Variants in SENP2 observed in about 807,000 individuals in gnomAD.
The protein encoded by SENP2 is SUMO specific peptidase 2, also known as sentrin-specific protease 2.
A neutral mutation model predicts 86.3 loss-of-function variants in SENP2; 16 were observed. The ratio of observed to expected loss-of-function variants is 0.19; its 90% confidence interval spans 0.13 to 0.28. The LOEUF (loss-of-function observed/expected upper bound fraction) is 0.28. SENP2 is among the 10% of genes least tolerant of loss of function. The pLI is 1.00. For missense variants in SENP2, 552 were observed against 703.0 expected (o/e 0.79, Z 2.43); for synonymous variants, 222 against 238.7 (o/e 0.93, Z 0.64).
At chr3:185,625,208 T>C (rs961707347) in intron 15 of SENP2, among the ~76,000 whole-genome samples, 1 of 150,534 alleles carries the variant, frequency 6.6e-6, no homozygotes, top group Non-Finnish European at 1.5e-5. Context: ...GCCTCCCGGG[T>C]TCATACCATT....
At chr3:185,596,801 C>T (rs1722190227) in intron 2 of SENP2, among the ~76,000 whole-genome samples, 1 of 151,852 alleles carries the variant, frequency 6.6e-6, no homozygotes, top group Non-Finnish European at 1.5e-5. Flanking sequence ...GCTATATGCT[C>T]CTTGTTGTTT....
At position 185,612,652 on chromosome 3, in the gene SENP2, A is replaced by G; in HGVS notation, c.863A>G (p.Glu288Gly). 1 of 1,603,726 alleles carries G rather than the reference A, an allele frequency of 6.2e-7. No homozygotes were observed. Among genetic ancestry groups the G allele is most frequent in the Non-Finnish European group, 8.5e-7 (1 of 1,170,756 alleles). ...GGACCTCTATGTTCATTGAGAAGTG[A>G]AAAGAGGTACGTACATTCAGTTCAT... ...TRGPLCSLRS[E>G]KRCSKGKITD... Residue 288 changes from glutamate (E) to glycine (G), a missense_variant, in exon 9 of 17, where the codon GAA becomes GGA. This residue lies in a region of SENP2 where 383 missense variants were observed against 427.3 expected (regional missense o/e 0.90). Transcript: ENST00000296257.
At chr3:185,608,724 A>G (rs193119237) in intron 6 of SENP2, among the ~76,000 whole-genome samples, 179 of 152,308 alleles carry the variant, frequency 1.2e-3, no homozygotes, top group African/African-American at 4.1e-3. Flanking sequence ...CAGTGGAGAC[A>G]GAGAAAAAAG....
At chr3:185,616,198 C>A (rs1399230799) in intron 11 of SENP2, among the ~76,000 whole-genome samples, 1 of 140,738 alleles carries the variant, frequency 7.1e-6, no homozygotes, top group African/African-American at 2.6e-5. Flanking sequence ...CGAGAATGGG[C>A]GTGGTGGCTC....
At chr3:185,587,410 G>A (rs895557708) in intron 1 of SENP2, among the ~76,000 whole-genome samples, 9 of 152,118 alleles carry the variant, frequency 5.9e-5, no homozygotes, top group Non-Finnish European at 1.3e-4. Context: ...TGGGACTGCA[G>A]GCATGAGCCA....
rs148075953 is a variant in SENP2, at chr3:185,619,480, G to A, written c.1424G>A (p.Arg475Gln). The change falls in exon 13 of 17, where the codon CGG (arginine) becomes CAG (glutamine). Residue 475 changes from arginine to glutamine, a missense_variant. Arg to Gln is a conservative substitution (Grantham distance 43). Coordinates refer to ENST00000296257, the MANE Select transcript of SENP2 (RefSeq NM_021627.3). ...EQEIILVPIH[R>Q]KVHWSLVVID... ...GAAATTATTCTGGTGCCTATTCATC[G>A]GAAGGTACATTGGAGCCTGGTGGTG... 14 of 1,613,922 alleles carry A rather than the reference G, an allele frequency of 8.7e-6. No homozygotes were observed. Among genetic ancestry groups the A allele is most frequent in the Non-Finnish European group, 1.2e-5 (14 of 1,179,974 alleles).
At chr3:185,590,047 G>C in intron 1 of SENP2, 67 bp from the exon 2 acceptor site, 2 of 893,026 alleles carry the variant, frequency 2.2e-6, no homozygotes, top group South Asian at 1.8e-5. Context: ...TGAATAGTAA[G>C]TTTACTTACA....
At chr3:185,605,515 C>G (rs1722485629) in intron 5 of SENP2, among the ~76,000 whole-genome samples, 1 of 152,156 alleles carries the variant, frequency 6.6e-6, no homozygotes, top group African/African-American at 2.4e-5. Flanking sequence ...AATACAGGAT[C>G]CAGTGCAGGA....
intron 16 of SENP2, among the ~76,000 whole-genome samples, chr3:185,628,323 G>A (rs759535827): frequency 6.6e-5 from 10 of 152,088 alleles, no homozygotes; most frequent in Non-Finnish European, 1.5e-4. Flanking sequence ...TTTTAGTAGA[G>A]ACAGGGTTTC....
intron 1 of SENP2, among the ~76,000 whole-genome samples, chr3:185,587,184 G>C (rs955457523): frequency 3.3e-5 from 5 of 152,160 alleles, no homozygotes; most frequent in Admixed American, 6.5e-5. Context: ...CCAGGCTGGA[G>C]TGCAGTGGTG....
At chr3:185,594,506 G>A (rs1722110786) in intron 2 of SENP2, among the ~76,000 whole-genome samples, 1 of 151,978 alleles carries the variant, frequency 6.6e-6, no homozygotes, top group African/African-American at 2.4e-5. Flanking sequence ...AACCATATCT[G>A]GCTACTAGCT....
At chr3:185,599,073 T>C in intron 4 of SENP2, 49 bp downstream of exon 4, 1 of 1,331,520 alleles carries the variant, frequency 7.5e-7, no homozygotes, top group Non-Finnish European at 1.1e-6. Context: ...CTTCTGCCCA[T>C]TTTTTTCCTA....
chr3:185,604,870 C>G (rs1471384815), intron 5 of SENP2, among the ~76,000 whole-genome samples: 1 of 151,536 alleles, frequency 6.6e-6, no homozygotes, highest in African/African-American at 2.4e-5. Flanking sequence ...ATTCTCCTGC[C>G]TCAGTCTCTC....
Position 185,614,601 on chromosome 3 carries a change from A to G in SENP2, c.971A>G (p.Glu324Gly). Residue 324 changes from glutamate to glycine, a missense_variant, in exon 11 of 17, where the codon GAA becomes GGA. By Grantham distance (98) the Glu-to-Gly change is moderately conservative (BLOSUM62 -2). This residue lies in a region of SENP2 where 383 missense variants were observed against 427.3 expected (regional missense o/e 0.90). Transcript: ENST00000296257. ...GYQLEPDLSE[E>G]VSARLRLGSG... Reference sequence around the variant, plus strand: ...CAACTGGAGCCTGACCTATCAGAAGAAGTGTCGGCCCGACTCCGCCTGGGC... The same window carrying G: ...CAACTGGAGCCTGACCTATCAGAAGGAGTGTCGGCCCGACTCCGCCTGGGC... 1.9e-6 allele frequency: 3 copies of G among 1,614,126 alleles called. No homozygotes were observed. The highest frequency in any genetic ancestry group is 2.5e-6 in the Non-Finnish European group (3 of 1,180,006).
chr3:185,591,006 G>A (rs1350271818), intron 2 of SENP2, among the ~76,000 whole-genome samples: 4 of 119,488 alleles, frequency 3.3e-5, no homozygotes, highest in African/African-American at 1.3e-4. Context: ...CCAGGTTCAC[G>A]CCATTCTCCT....
chr3:185,604,429 T>G (rs1416863189), intron 5 of SENP2, among the ~76,000 whole-genome samples: 1 of 152,220 alleles, frequency 6.6e-6, no homozygotes, highest in African/African-American at 2.4e-5. Context: ...GACCTAAATG[T>G]CAGGTCAGGT....
Position 185,592,011 on chromosome 3 carries a change from C to CTTTTTTTTTTTTTTT in SENP2, c.157+1851_157+1865dup, listed in dbSNP as rs149268515. 8.1e-3 allele frequency among the ~76,000 whole-genome samples: 533 copies of CTTTTTTTTTTTTTTT among 65,786 alleles called. 130 individuals carry two copies. The highest frequency in any genetic ancestry group is 0.015 in the Middle Eastern group (1 of 66). 43.2% of individuals were successfully genotyped at this position (65,786 alleles called of 152,430 possible). ...CTGTCTTTAAGAACCGGTAATATTT[C>CTTTTTTTTTTTTTTT]TTTTTTTTTTTTTTTTTTTTTTTGA... On this transcript the variant is annotated intron_variant, in intron 2 of 16. Transcript: ENST00000296257.
chr3:185,599,763 CT>C (rs1722284306), intron 4 of SENP2, among the ~76,000 whole-genome samples: 1 of 151,794 alleles, frequency 6.6e-6, no homozygotes, highest in African/African-American at 2.4e-5. Flanking sequence ...ATACATACCC[CT>C]GTGTCTGAGA....
At chr3:185,615,073 A>AT (rs886556116) in intron 11 of SENP2, among the ~76,000 whole-genome samples, 218 of 149,924 alleles carry the variant, frequency 1.5e-3, no homozygotes, top group African/African-American at 1.7e-3. Flanking sequence ...AGTTCATTGC[A>AT]TTTTTTTTTT....
Sources: gnomAD v4.1 joint callset for allele counts (sites outside exome capture counted in the v4.1 genomes callset) on GRCh38, gnomAD v4.1.1 for gene constraint, gnomAD v4.1.1 regional missense constraint, MANE v1.5 for transcripts, NCBI Gene and HGNC (gene_info 2026-07-23, HGNC 2026-07-21) for gene names.